The following MAML2 variants were observed in gnomAD, a reference collection of about 807,000 sequenced individuals.
MAML2 encodes the protein mastermind like transcriptional coactivator 2.
A neutral mutation model predicts 96.1 loss-of-function variants in MAML2; 22 were observed. The observed-to-expected ratio is 0.23, with a 90% confidence interval of 0.16 to 0.33. The LOEUF (loss-of-function observed/expected upper bound fraction) is 0.33. MAML2 is among the 10% of genes least tolerant of loss of function. The probability of loss-of-function intolerance (pLI) is 1.00; values close to 1 mark genes in which losing one functional copy is unlikely to be tolerated. For synonymous variants in MAML2, 561 were observed against 521.3 expected, an observed-to-expected ratio of 1.08 and a Z score of -1.04; for missense variants, 1,367 against 1,392.4, an observed-to-expected ratio of 0.98 and a Z score of 0.29.
chr11:96,221,489 G>A (rs144505067), intron 1 of MAML2, among the ~76,000 whole-genome samples: 3 of 152,074 alleles, frequency 2.0e-5, no homozygotes, highest in Admixed American at 6.6e-5. Context: ...GGCTATACCC[G>A]AGGTTAGAGA....
intron 1 of MAML2, among the ~76,000 whole-genome samples, chr11:96,279,613 A>G (rs140243213): frequency 3.3e-5 from 5 of 152,312 alleles, no homozygotes; most frequent in African/African-American, 4.8e-5. Flanking sequence ...CCTGTCCTCA[A>G]TTTGACACTC....
chr11:96,212,152 G>GT (rs1555025032), intron 1 of MAML2, among the ~76,000 whole-genome samples: 1 of 101,860 alleles, frequency 9.8e-6, no homozygotes, highest in African/African-American at 4.3e-5. Flanking sequence ...TGTGTGTGTG[G>GT]AAGGGGGACT....
At chr11:96,102,577 C>G (rs1368321039) in intron 1 of MAML2, among the ~76,000 whole-genome samples, 1 of 152,114 alleles carries the variant, frequency 6.6e-6, no homozygotes, top group Admixed American at 6.5e-5. Flanking sequence ...GTAAACAAAA[C>G]TTGTTGTCCA....
At chr11:96,216,187 C>T (rs1862047975) in intron 1 of MAML2, among the ~76,000 whole-genome samples, 1 of 152,166 alleles carries the variant, frequency 6.6e-6, no homozygotes, top group Admixed American at 6.5e-5. Context: ...AAATTGGACA[C>T]AGGAAAAAGA....
At chr11:96,054,234 C>G (rs1859029328) in intron 2 of MAML2, among the ~76,000 whole-genome samples, 1 of 152,228 alleles carries the variant, frequency 6.6e-6, no homozygotes, top group Middle Eastern at 3.4e-3. Flanking sequence ...AGTAGTAACT[C>G]TAGACGGGGA....
chr11:96,185,863 C>T (rs1861567563), intron 1 of MAML2, among the ~76,000 whole-genome samples: 1 of 152,150 alleles, frequency 6.6e-6, no homozygotes, highest in Non-Finnish European at 1.5e-5. Context: ...TTACCTTGTG[C>T]CACAATCCAG....
At position 96,030,508 on chromosome 11, in the gene MAML2, T is replaced by C. The variant is rs1277774659; in HGVS notation, c.2140-38785A>G. Among the ~76,000 whole-genome samples the C allele has an allele frequency of 2.6e-5, 4 of 152,274 alleles. No homozygotes were observed. The East Asian group carries it at 5.8e-4, about 22-fold the overall frequency. ...AAATCCATGAGGAAAGAATGGAATA[T>C]TTAACATATGCTTCTGTGACAACTG... is the stretch of plus-strand genomic sequence containing the variant. On this transcript the variant is annotated intron_variant, in intron 2 of 4. Coordinates refer to ENST00000524717, the MANE Select transcript of MAML2 (RefSeq NM_032427.4).
chr11:95,985,671 GTTGCATCA>G, intron 3 of MAML2, 29 bp from the exon 4 acceptor site: 1 of 1,384,990 alleles, frequency 7.2e-7, no homozygotes. Flanking sequence ...AGCATATTAT[GTTGCATCA>G]TTCCCTTTTC....
chr11:96,229,526 A>T (rs10501847), intron 1 of MAML2, among the ~76,000 whole-genome samples: 36,632 of 147,372 alleles, frequency 0.25, 5,130 homozygotes, highest in Middle Eastern at 0.34. Context: ...CATTTCTCAC[A>T]ATGTGGCTAG....
chr11:96,276,394 C>A (rs1441241191), intron 1 of MAML2, among the ~76,000 whole-genome samples: 1 of 152,174 alleles, frequency 6.6e-6, no homozygotes, highest in Non-Finnish European at 1.5e-5. Context: ...AGAACAATTT[C>A]TTATCCTTGT....
chr11:96,264,744 A>T (rs1862803348), intron 1 of MAML2, among the ~76,000 whole-genome samples: 1 of 152,252 alleles, frequency 6.6e-6, no homozygotes, highest in Admixed American at 6.5e-5. Context: ...TCATGACCCC[A>T]AACCACTTCT....
At chr11:96,064,215 C>A (rs1859210866) in intron 2 of MAML2, among the ~76,000 whole-genome samples, 1 of 152,156 alleles carries the variant, frequency 6.6e-6, no homozygotes, top group African/African-American at 2.4e-5. Flanking sequence ...TCCCAACCAG[C>A]AGGGTGATTC....
At chr11:96,243,051 CAT>C (rs1555029024) in intron 1 of MAML2, among the ~76,000 whole-genome samples, 62 of 148,878 alleles carry the variant, frequency 4.2e-4, no homozygotes, top group Non-Finnish European at 6.6e-4. Context: ...CACACACACA[CAT>C]ACACATACAC....
chr11:96,308,794 A>C (rs1863500159), intron 1 of MAML2, among the ~76,000 whole-genome samples: 1 of 152,156 alleles, frequency 6.6e-6, no homozygotes, highest in Non-Finnish European at 1.5e-5. Flanking sequence ...TTCCTATTAG[A>C]ATGTAAAGAC....
rs543503586 is a variant in MAML2 at position 96,219,575 on chromosome 11, T to C, written c.513+121808A>G. On this transcript the variant is annotated intron_variant, in intron 1 of 4. Coordinates refer to ENST00000524717, the MANE Select transcript of MAML2 (RefSeq NM_032427.4). Reference sequence around the variant, plus strand: ...AATTTTGGTTTCCAATGCTGCCCTGTCCTGTCTGAGCTTTGTAACCCTGAA... The same window carrying C: ...AATTTTGGTTTCCAATGCTGCCCTGCCCTGTCTGAGCTTTGTAACCCTGAA... Among the ~76,000 whole-genome samples, 3 of 152,336 alleles carry C rather than the reference T, an allele frequency of 2.0e-5. No individual in the cohort carries two copies. In the East Asian group the frequency reaches 5.8e-4, roughly 29 times the overall value.
chr11:96,138,217 A>T (rs1189278236), intron 1 of MAML2, among the ~76,000 whole-genome samples: 2 of 152,192 alleles, frequency 1.3e-5, no homozygotes, highest in Non-Finnish European at 2.9e-5. Flanking sequence ...ATGAAGAAAA[A>T]TATACTTTCC....
chr11:95,991,802 A>G, intron 2 of MAML2, 79 bp from the exon 3 acceptor site: 1 of 1,060,164 alleles, frequency 9.4e-7, no homozygotes, highest in Admixed American at 2.1e-5. Context: ...ATACACTCAG[A>G]TTCCAAACAT....
At position 96,221,978 on chromosome 11, in the gene MAML2, G is replaced by A. The variant is rs1209266805; in HGVS notation, c.513+119405C>T. On this transcript the variant is annotated intron_variant, in intron 1 of 4. Coordinates refer to ENST00000524717, the MANE Select transcript of MAML2 (RefSeq NM_032427.4). ...CTGTGTTTCACCTCATTTCCTCCCA[G>A]TTTCCGTTTCTACTTTGTCATATAT... Among the ~76,000 whole-genome samples, 4 of 152,078 alleles carry A rather than the reference G, an allele frequency of 2.6e-5. No individual in the cohort carries two copies. In the East Asian group the frequency reaches 7.7e-4, roughly 29 times the overall value.
chr11:96,039,478 G>A (rs986505296), intron 2 of MAML2, among the ~76,000 whole-genome samples: 4 of 152,100 alleles, frequency 2.6e-5, no homozygotes, highest in Non-Finnish European at 5.9e-5. Flanking sequence ...AGGAGCTAGA[G>A]GAATTTGGGT....
Sources: gnomAD v4.1 joint callset for allele counts (sites outside exome capture counted in the v4.1 genomes callset) on GRCh38, gnomAD v4.1.1 for gene constraint, MANE v1.5 for transcripts, NCBI Gene and HGNC (gene_info 2026-07-23, HGNC 2026-07-21) for gene names.